CSMD3: variants seen among roughly 807,000 people sequenced by gnomAD.
The protein encoded by CSMD3 is CUB and Sushi multiple domains 3, also known as CUB and sushi domain-containing protein 3.
CSMD3 carries 177 observed loss-of-function variants against 435.2 expected under a neutral mutation model. The ratio of observed to expected loss-of-function variants is 0.41; its 90% CI spans 0.36 to 0.46. The LOEUF (loss-of-function observed/expected upper bound fraction) is 0.46, where lower values mean the gene tolerates loss of function less well. CSMD3 is among the 20% of genes least tolerant of loss of function. CSMD3 has a pLI of 0.34. For missense variants in CSMD3, 4,265 were observed against 4,504.6 expected (o/e 0.95, Z 1.52); for synonymous variants, 1,656 against 1,520.5 (o/e 1.09, Z -2.07).
At chr8:112,793,021 C>T (rs565408358) in intron 13 of CSMD3, among the ~76,000 whole-genome samples, 3 of 151,422 alleles carry the variant, frequency 2.0e-5, no homozygotes, top group South Asian at 2.1e-4. Context: ...GGAATTGATG[C>T]TACTTCTGAA....
chr8:112,554,022 T>TG (rs543191985), intron 25 of CSMD3, among the ~76,000 whole-genome samples: 227 of 151,778 alleles, frequency 1.5e-3, no homozygotes, highest in African/African-American at 5.2e-3. Flanking sequence ...CTAAGTTTCC[T>TG]GGGGGGAAAA....
chr8:113,250,199 C>T (rs1490846916), intron 3 of CSMD3, among the ~76,000 whole-genome samples: 3 of 152,054 alleles, frequency 2.0e-5, no homozygotes, highest in Non-Finnish European at 2.9e-5. Context: ...ATTTATTTGA[C>T]ATCCCCATCT....
chr8:113,142,742 G>T (rs1174662966), intron 4 of CSMD3, among the ~76,000 whole-genome samples: 3 of 150,732 alleles, frequency 2.0e-5, no homozygotes, highest in African/African-American at 7.3e-5. Flanking sequence ...CACTAAAAAA[G>T]AATAATTGCA....
intron 13 of CSMD3, among the ~76,000 whole-genome samples, chr8:112,782,777 G>A (rs1310450108): frequency 6.6e-6 from 1 of 151,806 alleles, no homozygotes; most frequent in Non-Finnish European, 1.5e-5. Flanking sequence ...TACAGGCCGG[G>A]AAAGAGTGAC....
At chr8:113,419,292 AT>A (rs1285038288) in intron 1 of CSMD3, among the ~76,000 whole-genome samples, 1 of 151,598 alleles carries the variant, frequency 6.6e-6, no homozygotes, top group Admixed American at 6.6e-5. Flanking sequence ...TAATTTTTGT[AT>A]TTTTAGTAGA....
At chr8:113,094,680 T>A (rs2090108603) in intron 5 of CSMD3, among the ~76,000 whole-genome samples, 3 of 152,182 alleles carry the variant, frequency 2.0e-5, no homozygotes, top group Admixed American at 6.6e-5. Flanking sequence ...AAGAGAATAA[T>A]GTAGATGATT....
At chr8:112,523,582 C>T (rs1003755406) in intron 27 of CSMD3, among the ~76,000 whole-genome samples, 1 of 151,942 alleles carries the variant, frequency 6.6e-6, no homozygotes, top group Non-Finnish European at 1.5e-5. Context: ...CTCCACTTCC[C>T]TATCTATAAG....
chr8:112,628,925 G>A lies in CSMD3; in HGVS notation c.3715+7892C>T, dbSNP rs992920970. Among the ~76,000 whole-genome samples, 12 of 152,140 alleles carry A rather than the reference G, an allele frequency of 7.9e-5. No individual in the cohort carries two copies. In the East Asian group the frequency reaches 1.9e-3, roughly 25 times the overall value. On this transcript the variant is annotated intron_variant, in intron 22 of 70. Coordinates refer to ENST00000297405, the MANE Select transcript of CSMD3 (RefSeq NM_198123.2). ...ATAATATTCAGAATTTATCTTAAGG[G>A]CAGTGGAAAACAATGAAAGATTTTA...
intron 32 of CSMD3, among the ~76,000 whole-genome samples, chr8:112,468,544 C>A (rs1818204145): frequency 6.6e-6 from 1 of 151,944 alleles, no homozygotes; most frequent in Non-Finnish European, 1.5e-5. Context: ...TACATATTAA[C>A]AAAAAATTTT....
At chr8:112,416,176 C>T (rs1482731515) in intron 32 of CSMD3, among the ~76,000 whole-genome samples, 1 of 152,098 alleles carries the variant, frequency 6.6e-6, no homozygotes, top group Non-Finnish European at 1.5e-5. Flanking sequence ...GGGAAGGACC[C>T]AGTGAGAGGT....
intron 41 of CSMD3, 57 bp from the exon 42 acceptor site, chr8:112,341,743 A>G (rs1161082098): frequency 9.7e-7 from 1 of 1,026,786 alleles, no homozygotes; most frequent in African/African-American, 1.6e-5. Flanking sequence ...TTAAACATAA[A>G]TATACACACA....
At chr8:112,823,481 C>T (rs887731303) in intron 12 of CSMD3, among the ~76,000 whole-genome samples, 3 of 152,152 alleles carry the variant, frequency 2.0e-5, no homozygotes, top group Admixed American at 6.6e-5. Context: ...TCCCTCTTAA[C>T]ACTACTTTAG....
intron 3 of CSMD3, among the ~76,000 whole-genome samples, chr8:113,224,586 T>A (rs1180101645): frequency 6.6e-6 from 1 of 151,300 alleles, no homozygotes; most frequent in East Asian, 1.9e-4. Context: ...AGTAAATACA[T>A]TAGAGGCAAC....
intron 3 of CSMD3, among the ~76,000 whole-genome samples, chr8:113,206,628 A>C (rs1219453241): frequency 6.6e-6 from 1 of 152,098 alleles, no homozygotes; most frequent in Non-Finnish European, 1.5e-5. Flanking sequence ...CCTTTTCCTC[A>C]GCCTTGTACA....
At chr8:112,343,437 T>C (rs367649792) in intron 41 of CSMD3, among the ~76,000 whole-genome samples, 117 of 152,208 alleles carry the variant, frequency 7.7e-4, no homozygotes, top group African/African-American at 2.7e-3. Context: ...GATTTCTAAA[T>C]AGAAAGTCCC....
chr8:113,186,103 C>T (rs986177503), intron 3 of CSMD3, among the ~76,000 whole-genome samples: 2 of 152,028 alleles, frequency 1.3e-5, no homozygotes, highest in Non-Finnish European at 2.9e-5. Context: ...GGAGAGCACT[C>T]CGGGATATTT....
intron 1 of CSMD3, among the ~76,000 whole-genome samples, chr8:113,356,425 G>A (rs1434186284): frequency 6.6e-6 from 1 of 151,910 alleles, no homozygotes; most frequent in East Asian, 1.9e-4. Context: ...CTTTTTTTGT[G>A]GTTAAAGTAT....
In CSMD3 at chr8:112,600,823, G is replaced by A. The variant is rs1389432047; in HGVS notation, c.3716-13588C>T. 4.0e-5 allele frequency among the ~76,000 whole-genome samples: 6 copies of A among 151,412 alleles called. No individual in the cohort carries two copies. In the South Asian group the frequency reaches 1.0e-3, roughly 26 times the overall value. On this transcript the variant is annotated intron_variant, in intron 22 of 70. Transcript: ENST00000297405. ...CTGCTGAGTAGCTGGGACTACAGGCGCCCGCCACTACGCCCAGCTAATTTT... is the reference window on the plus strand; with the variant it reads ...CTGCTGAGTAGCTGGGACTACAGGCACCCGCCACTACGCCCAGCTAATTTT...
At chr8:113,398,224 T>C (rs2094493255) in intron 1 of CSMD3, among the ~76,000 whole-genome samples, 1 of 152,208 alleles carries the variant, frequency 6.6e-6, no homozygotes, top group South Asian at 2.1e-4. Context: ...TTTATTTTGC[T>C]TAAGGTATGA....
Sources: allele counts gnomAD v4.1 joint callset (sites outside exome capture counted in the v4.1 genomes callset), GRCh38; gene constraint gnomAD v4.1.1; transcripts MANE v1.5; gene names NCBI Gene and HGNC (gene_info 2026-07-23, HGNC 2026-07-21).